The following EFHC1 variants were observed in gnomAD, a reference collection of about 807,000 sequenced individuals.
EFHC1 encodes the protein EF-hand domain-containing protein 1.
In EFHC1, 53 loss-of-function variants were observed where a neutral mutation model predicts 69.9. The observed-to-expected ratio is 0.76, with a 90% CI of 0.61 to 0.95. The LOEUF (loss-of-function observed/expected upper bound fraction) is 0.95. Among genes scored for constraint, EFHC1 ranks in the 40% least tolerant of loss-of-function variants. The pLI is 0.00. For synonymous variants in EFHC1, 256 were observed against 278.4 expected, an observed-to-expected ratio of 0.92 and a Z score of 0.80; for missense variants, 739 against 798.7, an observed-to-expected ratio of 0.93 and a Z score of 0.90.
intron 9 of EFHC1, chr6:52,489,583 G>A (rs969751744): frequency 1.9e-5 from 3 of 159,908 alleles, no homozygotes; most frequent in African/African-American, 7.2e-5. Flanking sequence ...CTTAATTTCA[G>A]TAAATGCTAA....
chr6:52,482,238 G>A (rs1765695370), intron 9 of EFHC1: 1 of 152,054 alleles, frequency 6.6e-6, no homozygotes, highest in South Asian at 2.1e-4. Flanking sequence ...AGCTACTCAG[G>A]AGGCTGAGGC....
At chr6:52,451,362 GA>G (rs768535359) in intron 3 of EFHC1, among the ~76,000 whole-genome samples, 2 of 152,162 alleles carry the variant, frequency 1.3e-5, no homozygotes, top group Non-Finnish European at 2.9e-5. Context: ...TTGCTTATCA[GA>G]AAAGGATCTT....
chr6:52,495,057 ACC>A lies in EFHC1; in HGVS notation c.*2718_*2719del. 2.2e-6 allele frequency: 1 copy of A among 453,982 alleles called. No homozygotes were observed. Among genetic ancestry groups the A allele is most frequent in the Non-Finnish European group, 4.4e-6 (1 of 226,738 alleles). 28.1% of individuals were successfully genotyped at this position (453,982 alleles called of 1,614,324 possible). A position where few individuals can be genotyped will look rare whatever the true frequency, so the allele number is the denominator to read the frequency against. On this transcript the variant is annotated 3_prime_UTR_variant, in exon 11 of 11. Coordinates refer to ENST00000371068, the MANE Select transcript of EFHC1 (RefSeq NM_018100.4). Reference sequence around the variant, plus strand: ...AGTGCACCACTCTCAGATGGACGGGACCCAGTCTGTACCTGATCACCCCGGCT... The same window carrying A: ...AGTGCACCACTCTCAGATGGACGGGACAGTCTGTACCTGATCACCCCGGCT...
chr6:52,464,078 A>G (rs556701613), intron 5 of EFHC1, among the ~76,000 whole-genome samples: 2 of 152,326 alleles, frequency 1.3e-5, no homozygotes, highest in African/African-American at 4.8e-5. Context: ...GGTTACAACT[A>G]TAAGATGTGG....
At chr6:52,446,611 A>G (rs955424887) in intron 3 of EFHC1, among the ~76,000 whole-genome samples, 3 of 152,186 alleles carry the variant, frequency 2.0e-5, no homozygotes, top group African/African-American at 7.2e-5. Context: ...TTATGATGTT[A>G]GATGGTTATT....
At position 52,455,333 on chromosome 6, in the gene EFHC1, A is replaced by AT. The variant is rs572392896; in HGVS notation, c.916+1052dup. ...ACTGATTTTTTTTTCTTTTTACTAT[A>AT]TTTTTTGGGAATTAGGATATAAGAA... On this transcript the variant is annotated intron_variant, in intron 5 of 10. Coordinates refer to ENST00000371068, the MANE Select transcript of EFHC1 (RefSeq NM_018100.4). Among the ~76,000 whole-genome samples, 107 of 151,884 alleles carry AT rather than the reference A, an allele frequency of 7.0e-4. 1 individual carries two copies. The South Asian group carries it at 0.021, about 30-fold the overall frequency.
intron 3 of EFHC1, among the ~76,000 whole-genome samples, chr6:52,447,207 C>T (rs561439916): frequency 6.4e-4 from 98 of 152,348 alleles, no homozygotes; most frequent in Middle Eastern, 3.4e-3. Flanking sequence ...ACCAGTCAGA[C>T]GTAGATTTGG....
At chr6:52,463,027 T>G (rs1488099727) in intron 5 of EFHC1, among the ~76,000 whole-genome samples, 2 of 151,884 alleles carry the variant, frequency 1.3e-5, no homozygotes, top group Non-Finnish European at 2.9e-5. Context: ...TTTGTTTTGT[T>G]TTGTTTGTTT....
rs374159903 is a variant in EFHC1, at chr6:52,454,409, C to T, written c.916+122C>T. The stretch of plus-strand genomic sequence containing the variant: ...GCCTCTAGCTATTTTTGCTTAGATG[C>T]TCAGAAAATGGCTTCCCACAGCTTT... On this transcript the variant is annotated intron_variant, in intron 5 of 10. Transcript: ENST00000371068. 29 of 1,243,856 alleles carry T rather than the reference C, an allele frequency of 2.3e-5. No homozygotes were observed. In the East Asian group the frequency reaches 2.5e-4, roughly 11 times the overall value. The allele number at this position is 1,243,856 out of a possible 1,614,324, so 77.1% of individuals were successfully genotyped here.
intron 2 of EFHC1, among the ~76,000 whole-genome samples, chr6:52,434,107 C>G (rs957364195): frequency 6.6e-6 from 1 of 152,222 alleles, no homozygotes; most frequent in Non-Finnish European, 1.5e-5. Context: ...CTACCTGCCT[C>G]CCAGCTTTGA....
chr6:52,444,501 A>G (rs1425309017), intron 3 of EFHC1, among the ~76,000 whole-genome samples: 5 of 152,072 alleles, frequency 3.3e-5, no homozygotes, highest in South Asian at 2.1e-4. Flanking sequence ...AGCATGAAGG[A>G]CTGTTGAATT....
chr6:52,493,673 A>G lies in EFHC1; in HGVS notation c.*1332A>G, dbSNP rs1255126412. 2.2e-6 allele frequency: 1 copy of G among 452,436 alleles called. No individual in the cohort carries two copies. Among genetic ancestry groups the G allele is most frequent in the Non-Finnish European group, 4.4e-6 (1 of 226,474 alleles). The allele number at this position is 452,436 out of a possible 1,614,324, so 28.0% of individuals were successfully genotyped here. On this transcript the variant is annotated 3_prime_UTR_variant, in exon 11 of 11. Coordinates refer to ENST00000371068, the MANE Select transcript of EFHC1 (RefSeq NM_018100.4). ...TCCATCTCAAAAAAAAAAAGGTTAG[A>G]AAAATGCTGCTTTTAGAGAGCCTGG...
chr6:52,441,192 G>T (rs910911621), intron 3 of EFHC1, among the ~76,000 whole-genome samples: 9 of 152,076 alleles, frequency 5.9e-5, no homozygotes, highest in African/African-American at 1.9e-4. Context: ...TGGTGTCTTT[G>T]TCATGAAATC....
chr6:52,492,751 A>C lies in EFHC1; in HGVS notation c.*410A>C. On this transcript the variant is annotated 3_prime_UTR_variant, in exon 11 of 11. Coordinates refer to ENST00000371068, the MANE Select transcript of EFHC1 (RefSeq NM_018100.4). Reference sequence around the variant, plus strand: ...CACTTCAACCTCCCCAGTAGCTGGGACAACAGGCTCAAGCCACCATGCCCA... The same window carrying C: ...CACTTCAACCTCCCCAGTAGCTGGGCCAACAGGCTCAAGCCACCATGCCCA... The C allele has an allele frequency of 2.3e-6, 1 of 444,152 alleles. No homozygotes were observed. Among genetic ancestry groups the C allele is most frequent in the Non-Finnish European group, 4.5e-6 (1 of 222,418 alleles). The allele number at this position is 444,152 out of a possible 1,614,324, so 27.5% of individuals were successfully genotyped here.
At chr6:52,492,220 A>AC (rs1192362110) in intron 10 of EFHC1, 50 bp from the exon 11 acceptor site, 2 of 1,535,692 alleles carry the variant, frequency 1.3e-6, no homozygotes, top group Non-Finnish European at 1.8e-6. Context: ...AGTTGAGCTG[A>AC]CGGAAGCCCT....
At chr6:52,421,425 G>A (rs1448156923) in intron 1 of EFHC1, among the ~76,000 whole-genome samples, 1 of 151,336 alleles carries the variant, frequency 6.6e-6, no homozygotes, top group Non-Finnish European at 1.5e-5. Context: ...CAGCAGCTTG[G>A]ATTCTTTTTT....
At position 52,464,916 on chromosome 6, in the gene EFHC1, T is replaced by G; in HGVS notation, c.938T>G (p.Leu313Arg). The G allele has an allele frequency of 3.1e-6, 5 of 1,614,130 alleles. 1 individual carries two copies. Among genetic ancestry groups the G allele is most frequent in the Non-Finnish European group, 3.4e-6 (4 of 1,179,976 alleles). Residue 313 changes from leucine to arginine, a missense_variant, in exon 6 of 11, where the codon CTA (leucine) becomes CGA (arginine). Leu to Arg is a moderately radical substitution (Grantham distance 102). Coordinates refer to ENST00000371068, the MANE Select transcript of EFHC1 (RefSeq NM_018100.4). ...ENAKNFPQCV[L>R]EISDQEVLEW... ...TTAGAGAACTTCCCTCAGTGTGTGC[T>G]AGAAATCTCTGACCAAGAAGTGTTG...
At chr6:52,485,283 C>T (rs143701910) in intron 9 of EFHC1, 1 of 152,286 alleles carries the variant, frequency 6.6e-6, no homozygotes, top group East Asian at 1.9e-4. Flanking sequence ...CACTGGAAAG[C>T]TTCTTGCTTC....
intron 5 of EFHC1, among the ~76,000 whole-genome samples, chr6:52,460,566 A>G (rs908582813): frequency 6.6e-6 from 1 of 152,172 alleles, no homozygotes; most frequent in Non-Finnish European, 1.5e-5. Flanking sequence ...TCCTATCTAG[A>G]TATGTCATAG....
Sources: gnomAD v4.1 joint callset for allele counts (sites outside exome capture counted in the v4.1 genomes callset) on GRCh38, gnomAD v4.1.1 for gene constraint, MANE v1.5 for transcripts, NCBI Gene and HGNC (gene_info 2026-07-23, HGNC 2026-07-21) for gene names.